Variants in OPCML observed in about 807,000 individuals in gnomAD.
OPCML encodes opioid-binding protein/cell adhesion molecule.
OPCML carries 13 observed loss-of-function variants against 37.8 expected under a neutral mutation model. The ratio of observed to expected loss-of-function variants is 0.34; its 90% CI spans 0.22 to 0.55. OPCML has a LOEUF of 0.55. Among genes scored for constraint, OPCML ranks in the 20% least tolerant of loss-of-function variants. OPCML has a pLI of 0.91. For missense variants in OPCML, 341 were observed against 435.6 expected (o/e 0.78, Z 1.93); for synonymous variants, 176 against 168.8 (o/e 1.04, Z -0.33).
At chr11:133,170,277 C>A (rs1950270870) in intron 1 of OPCML, among the ~76,000 whole-genome samples, 2 of 152,302 alleles carry the variant, frequency 1.3e-5, no homozygotes, top group South Asian at 2.1e-4. Context: ...GAGATGGAGA[C>A]CATCCTGGCT....
chr11:132,975,988 T>A (rs1946454238), intron 1 of OPCML, among the ~76,000 whole-genome samples: 1 of 152,172 alleles, frequency 6.6e-6, no homozygotes, highest in Admixed American at 6.5e-5. Context: ...GCCAGGATGG[T>A]CTCGATCTCC....
In OPCML at chr11:133,501,514, G is replaced by C. The variant is rs192440055; in HGVS notation, c.61+30750C>G. 3.3e-4 allele frequency among the ~76,000 whole-genome samples: 50 copies of C among 152,286 alleles called. 1 individual carries two copies. Among genetic ancestry groups the C allele is most frequent in the Admixed American group, 1.3e-3 (20 of 15,302 alleles). ...AAATCAGATAACTGACTTCCTGAAA[G>C]CTCTTTTGTTATATGAGAAAAAGAA... On this transcript the variant is annotated intron_variant, in intron 1 of 7. Coordinates refer to ENST00000524381, the MANE Select transcript of OPCML (RefSeq NM_001012393.5).
intron 2 of OPCML, among the ~76,000 whole-genome samples, chr11:132,762,608 C>T (rs1382914429): frequency 6.6e-6 from 1 of 152,160 alleles, no homozygotes; most frequent in African/African-American, 2.4e-5. Flanking sequence ...GCTTTGTTTA[C>T]ACTGTGAGGG....
intron 3 of OPCML, among the ~76,000 whole-genome samples, chr11:132,606,906 G>C (rs1249609591): frequency 6.6e-6 from 1 of 152,182 alleles, no homozygotes; most frequent in Non-Finnish European, 1.5e-5. Flanking sequence ...AGTACTGTTA[G>C]AGCCAATTTG....
intron 1 of OPCML, among the ~76,000 whole-genome samples, chr11:133,381,423 A>G (rs529281482): frequency 6.6e-6 from 1 of 152,230 alleles, no homozygotes; most frequent in African/African-American, 2.4e-5. Flanking sequence ...TTCAGCTTGG[A>G]GCAGAGTGTG....
chr11:133,526,433 T>A (rs945765526), intron 1 of OPCML, among the ~76,000 whole-genome samples: 4 of 152,144 alleles, frequency 2.6e-5, no homozygotes, highest in Non-Finnish European at 5.9e-5. Flanking sequence ...CGTGTATATG[T>A]GTGCAGGAAG....
At chr11:132,769,689 C>T (rs1187508698) in intron 2 of OPCML, among the ~76,000 whole-genome samples, 1 of 152,156 alleles carries the variant, frequency 6.6e-6, no homozygotes, top group Non-Finnish European at 1.5e-5. Context: ...AAGCCACAGA[C>T]ACGCATGTGG....
intron 2 of OPCML, among the ~76,000 whole-genome samples, chr11:132,807,556 G>T (rs1157238093): frequency 1.3e-5 from 2 of 152,162 alleles, no homozygotes; most frequent in African/African-American, 2.4e-5. Flanking sequence ...ACACATACTG[G>T]TTCTGAATGG....
intron 1 of OPCML, among the ~76,000 whole-genome samples, chr11:133,063,257 G>A (rs906761654): frequency 6.6e-6 from 1 of 152,188 alleles, no homozygotes; most frequent in African/African-American, 2.4e-5. Flanking sequence ...AGCAACCAGA[G>A]GGCTGGTCCC....
chr11:132,734,111 A>G (rs1206546546), intron 2 of OPCML, among the ~76,000 whole-genome samples: 1 of 152,186 alleles, frequency 6.6e-6, no homozygotes, highest in Non-Finnish European at 1.5e-5. Flanking sequence ...AGTACTTATC[A>G]TAATTCTTGA....
At chr11:133,239,790 G>A (rs1161887203) in intron 1 of OPCML, among the ~76,000 whole-genome samples, 1 of 152,166 alleles carries the variant, frequency 6.6e-6, no homozygotes, top group South Asian at 2.1e-4. Flanking sequence ...CAGAGAAAGC[G>A]GGAGATGGAG....
chr11:132,828,546 C>T (rs1026739505), intron 2 of OPCML, among the ~76,000 whole-genome samples: 1 of 145,944 alleles, frequency 6.9e-6, no homozygotes, highest in East Asian at 1.9e-4. Flanking sequence ...TAAAACAGCT[C>T]TTTTAAAAAA....
chr11:132,915,104 G>T (rs1337031987), intron 2 of OPCML, among the ~76,000 whole-genome samples: 1 of 152,110 alleles, frequency 6.6e-6, no homozygotes, highest in Non-Finnish European at 1.5e-5. Context: ...TAGTAATAGA[G>T]AAGTATACAG....
chr11:132,848,994 A>T (rs114463545), intron 2 of OPCML, among the ~76,000 whole-genome samples: 2,269 of 152,306 alleles, frequency 0.015, 65 homozygotes, highest in African/African-American at 0.052. Flanking sequence ...GGCTTCACAC[A>T]CAATCACAGT....
chr11:132,473,336 G>A (rs1199537183), intron 4 of OPCML, among the ~76,000 whole-genome samples: 1 of 152,214 alleles, frequency 6.6e-6, no homozygotes, highest in African/African-American at 2.4e-5. Context: ...ACCTCTTCTG[G>A]ATGCTACTCC....
chr11:133,501,140 C>CCTA (rs1249137993), intron 1 of OPCML, among the ~76,000 whole-genome samples: 4 of 152,154 alleles, frequency 2.6e-5, no homozygotes, highest in South Asian at 2.1e-4. Context: ...TGTCTCCTTG[C>CCTA]CCGTAATAAG....
chr11:133,296,841 T>C (rs975580401), intron 1 of OPCML, among the ~76,000 whole-genome samples: 1 of 152,206 alleles, frequency 6.6e-6, no homozygotes, highest in African/African-American at 2.4e-5. Context: ...TCACTTTTAG[T>C]AAATAGGTTA....
intron 1 of OPCML, among the ~76,000 whole-genome samples, chr11:132,965,563 T>G (rs1946195431): frequency 6.6e-6 from 1 of 152,218 alleles, no homozygotes; most frequent in Non-Finnish European, 1.5e-5. Context: ...TGAGACAGTC[T>G]CGCTCTCTTG....
intron 1 of OPCML, among the ~76,000 whole-genome samples, chr11:132,998,037 G>T (rs1946919457): frequency 6.6e-6 from 1 of 152,108 alleles, no homozygotes; most frequent in Non-Finnish European, 1.5e-5. Flanking sequence ...CACAAAATTG[G>T]GTTTGGCATA....
Sources: allele counts gnomAD v4.1 joint callset (sites outside exome capture counted in the v4.1 genomes callset), GRCh38; gene constraint gnomAD v4.1.1; transcripts MANE v1.5; gene names NCBI Gene and HGNC (gene_info 2026-07-23, HGNC 2026-07-21).